Variants in CAP2 observed in about 807,000 individuals in gnomAD.
CAP2 encodes the protein adenylyl cyclase-associated protein 2.
A neutral mutation model predicts 57.7 loss-of-function variants in CAP2; 24 were observed. The ratio of observed to expected loss-of-function variants is 0.42; its 90% CI spans 0.30 to 0.58. The LOEUF (loss-of-function observed/expected upper bound fraction) is 0.58. Ranked by LOEUF, CAP2 falls within the 20% of genes least tolerant of loss-of-function variation. CAP2 has a pLI of 0.22. For missense variants in CAP2, 501 were observed against 590.3 expected, an observed-to-expected ratio of 0.85 and a Z score of 1.57; for synonymous variants, 194 against 207.2, an observed-to-expected ratio of 0.94 and a Z score of 0.55.
chr6:17,511,015 T>A (rs1438734426), intron 6 of CAP2, among the ~76,000 whole-genome samples: 1 of 152,232 alleles, frequency 6.6e-6, no homozygotes, highest in Non-Finnish European at 1.5e-5. Flanking sequence ...GAGGGTTCAG[T>A]ATTTGCCCCT....
chr6:17,474,586 T>G (rs1024515050), intron 4 of CAP2, among the ~76,000 whole-genome samples: 23 of 152,220 alleles, frequency 1.5e-4, no homozygotes, highest in Non-Finnish European at 2.9e-4. Flanking sequence ...ATCTATTATT[T>G]CATTTGTATG....
At position 17,504,968 on chromosome 6, in the gene CAP2, A is replaced by G. The variant is rs182445435; in HGVS notation, c.301-2201A>G. On this transcript the variant is annotated intron_variant, in intron 4 of 12. Transcript: ENST00000229922. ...CTGTTTGGAGCTTCTCATATCTTGAATGCATATTTATTTTAAACAAATGAA... is the reference window on the plus strand; with the variant it reads ...CTGTTTGGAGCTTCTCATATCTTGAGTGCATATTTATTTTAAACAAATGAA... 1.7e-3 allele frequency among the ~76,000 whole-genome samples: 264 copies of G among 152,328 alleles called. 5 individuals are homozygous for G. The highest frequency in any genetic ancestry group is 0.017 in the Admixed American group (260 of 15,290).
At chr6:17,539,606 G>A (rs1762852907) in intron 8 of CAP2, 148 bp downstream of exon 8, 6 of 650,636 alleles carry the variant, frequency 9.2e-6, no homozygotes, top group Admixed American at 2.9e-5. Context: ...TGGGAAGACA[G>A]GAGCCTGCCA....
chr6:17,452,454 C>T (rs1207871730), intron 3 of CAP2, among the ~76,000 whole-genome samples: 1 of 152,006 alleles, frequency 6.6e-6, no homozygotes, highest in Non-Finnish European at 1.5e-5. Flanking sequence ...ACTTATCAGG[C>T]AAAATAGGAA....
At chr6:17,500,340 A>AATATATATATAT (rs4052821) in intron 4 of CAP2, among the ~76,000 whole-genome samples, 2,332 of 32,800 alleles carry the variant, frequency 0.071, 337 homozygotes, top group Non-Finnish European at 0.092. Context: ...TGTGTGTCCA[A>AATATATATATAT]ATATATATAT....
intron 10 of CAP2, 35 bp from the exon 11 acceptor site, chr6:17,543,026 G>A: frequency 1.2e-6 from 2 of 1,612,338 alleles, no homozygotes; most frequent in Non-Finnish European, 1.7e-6. Context: ...GTATTTAGTG[G>A]AGTTGGTTTT....
chr6:17,401,826 C>G (rs1437428395), intron 1 of CAP2, among the ~76,000 whole-genome samples: 3 of 152,164 alleles, frequency 2.0e-5, no homozygotes, highest in Admixed American at 6.5e-5. Context: ...CTTCACTCCC[C>G]CTCCTTCCAT....
intron 4 of CAP2, among the ~76,000 whole-genome samples, chr6:17,469,588 A>G (rs967279793): frequency 6.6e-6 from 1 of 152,094 alleles, no homozygotes; most frequent in East Asian, 1.9e-4. Context: ...GTATTCCTCC[A>G]TAAGGGGGAG....
chr6:17,554,951 T>G (rs974623100), intron 12 of CAP2, among the ~76,000 whole-genome samples: 2 of 152,330 alleles, frequency 1.3e-5, no homozygotes, highest in South Asian at 4.1e-4. Context: ...TGTACGTGTA[T>G]TTTCCAATGG....
rs28642151 is a variant in CAP2, at chr6:17,496,030, G to C, written c.301-11139G>C. ...CTGCTGTGCATGCGTGTGTGGGTGG[G>C]GGGGGGGGGTAAGTCAGGGAAAACA... On this transcript the variant is annotated intron_variant, in intron 4 of 12. Transcript: ENST00000229922. 5.8e-3 allele frequency among the ~76,000 whole-genome samples: 240 copies of C among 41,146 alleles called. 2 individuals are homozygous for C. Among genetic ancestry groups the C allele is most frequent in the East Asian group, 8.8e-3 (9 of 1,026 alleles). 27.0% of individuals were successfully genotyped at this position (41,146 alleles called of 152,430 possible).
At chr6:17,397,933 A>G (rs1758713243) in intron 1 of CAP2, among the ~76,000 whole-genome samples, 1 of 152,050 alleles carries the variant, frequency 6.6e-6, no homozygotes, top group African/African-American at 2.4e-5. Flanking sequence ...GGAAAAAAAA[A>G]AAAAGAAAAC....
rs1761326891 is a variant in CAP2 at position 17,482,888 on chromosome 6, AC to A, written c.300+19816del. ...TCATATGAATTAGTGGGGGGACACC[AC>A]TCAGCCCGTAACACTAGATTTGTCA... On this transcript the variant is annotated intron_variant, in intron 4 of 12. Coordinates refer to ENST00000229922, the MANE Select transcript of CAP2 (RefSeq NM_006366.3). Among the ~76,000 whole-genome samples the A allele has an allele frequency of 3.3e-5, 5 of 152,176 alleles. No homozygotes were observed. In the East Asian group the frequency reaches 9.7e-4, roughly 29 times the overall value.
At chr6:17,531,247 T>C (rs1762632204) in intron 7 of CAP2, 1 of 795,282 alleles carries the variant, frequency 1.3e-6, no homozygotes, top group Non-Finnish European at 2.2e-6. Context: ...ATCCTCAGCA[T>C]GTTAACTGAA....
At chr6:17,541,669 C>G (rs1762904507) in intron 9 of CAP2, among the ~76,000 whole-genome samples, 1 of 152,120 alleles carries the variant, frequency 6.6e-6, no homozygotes, top group East Asian at 1.9e-4. Context: ...GGAAGCATTT[C>G]AAGGCCTCTT....
intron 3 of CAP2, among the ~76,000 whole-genome samples, chr6:17,451,012 C>T (rs1352903804): frequency 6.6e-6 from 1 of 152,080 alleles, no homozygotes; most frequent in African/African-American, 2.4e-5. Flanking sequence ...TGGAGTGTGA[C>T]ATTACTGCTT....
chr6:17,463,899 T>C lies in CAP2; in HGVS notation c.300+826T>C, dbSNP rs576737765. Among the ~76,000 whole-genome samples, 4 of 152,370 alleles carry C rather than the reference T, an allele frequency of 2.6e-5. No individual in the cohort carries two copies. In the East Asian group the frequency reaches 7.7e-4, roughly 29 times the overall value. ...AACAATATTACCAATGTAGTAATTT[T>C]AACAACTTTTAATCTATTGTAAAAT... On this transcript the variant is annotated intron_variant, in intron 4 of 12. Coordinates refer to ENST00000229922, the MANE Select transcript of CAP2 (RefSeq NM_006366.3).
At position 17,486,191 on chromosome 6, in the gene CAP2, G is replaced by A. The variant is rs116162085; in HGVS notation, c.301-20978G>A. Among the ~76,000 whole-genome samples the A allele has an allele frequency of 2.0e-3, 310 of 152,100 alleles. 1 individual carries two copies. The highest frequency in any genetic ancestry group is 6.8e-3 in the African/African-American group (284 of 41,514). On this transcript the variant is annotated intron_variant, in intron 4 of 12. Transcript: ENST00000229922. ...AAGACCCCATCTCTCAAAAAAATAC[G>A]TTAAACAAACCAATGAGATAGAAAA...
rs533436971 is a variant in CAP2, at chr6:17,549,399, G to T, written c.1210-2065G>T. ...AATTGCTTGAACCCAGCAGGCAGAG[G>T]TTGTGGTGAGCCAAGAATCGTGCCA... On this transcript the variant is annotated intron_variant, in intron 11 of 12. Coordinates refer to ENST00000229922, the MANE Select transcript of CAP2 (RefSeq NM_006366.3). Among the ~76,000 whole-genome samples, 22 of 152,190 alleles carry T rather than the reference G, an allele frequency of 1.4e-4. No homozygotes were observed. In the South Asian group the frequency reaches 2.1e-3, roughly 14 times the overall value.
At chr6:17,514,948 A>T (rs1356502966) in intron 7 of CAP2, among the ~76,000 whole-genome samples, 1 of 152,084 alleles carries the variant, frequency 6.6e-6, no homozygotes, top group Non-Finnish European at 1.5e-5. Flanking sequence ...CTGTAATCCT[A>T]GCACTTTGGG....
Sources: gnomAD v4.1 joint callset for allele counts (sites outside exome capture counted in the v4.1 genomes callset) on GRCh38, gnomAD v4.1.1 for gene constraint, MANE v1.5 for transcripts, NCBI Gene and HGNC (gene_info 2026-07-23, HGNC 2026-07-21) for gene names.